The following LRBA variants were observed in gnomAD, a reference collection of about 807,000 sequenced individuals.
LRBA encodes the protein LPS responsive beige-like anchor protein.
In LRBA, 176 loss-of-function variants were observed where a neutral mutation model predicts 330.0. That is an observed-to-expected ratio of 0.53 (90% CI 0.47 to 0.60). The LOEUF is 0.60. Among genes scored for constraint, LRBA ranks in the 20% least tolerant of loss-of-function variants. The pLI is 0.00. For synonymous variants in LRBA, 1,230 were observed against 1,193.0 expected, an observed-to-expected ratio of 1.03 and a Z score of -0.64; for missense variants, 3,259 against 3,444.8, an observed-to-expected ratio of 0.95 and a Z score of 1.35.
At chr4:150,273,952 A>T (rs1474489980) in intron 56 of LRBA, among the ~76,000 whole-genome samples, 2 of 152,194 alleles carry the variant, frequency 1.3e-5, no homozygotes, top group African/African-American at 4.8e-5. Context: ...CTCTGGACCA[A>T]GCAGACCTAA....
intron 46 of LRBA, among the ~76,000 whole-genome samples, chr4:150,425,564 G>T (rs553324054): frequency 1.4e-4 from 21 of 152,284 alleles, no homozygotes; most frequent in Admixed American, 6.5e-4. Flanking sequence ...AGGATTGGTT[G>T]TGACCACACA....
chr4:150,474,861 T>C (rs1285968290), intron 42 of LRBA, among the ~76,000 whole-genome samples: 1 of 152,140 alleles, frequency 6.6e-6, no homozygotes, highest in African/African-American at 2.4e-5. Flanking sequence ...ATTTTTACCC[T>C]CCTAAACTTA....
At chr4:150,669,539 T>A (rs1351254575) in intron 37 of LRBA, among the ~76,000 whole-genome samples, 1 of 152,088 alleles carries the variant, frequency 6.6e-6, no homozygotes, top group Non-Finnish European at 1.5e-5. Context: ...ATTTGTTTTG[T>A]GAAACATCCC....
chr4:151,008,399 T>C (rs1268385468), intron 2 of LRBA, among the ~76,000 whole-genome samples: 2 of 152,042 alleles, frequency 1.3e-5, no homozygotes, highest in African/African-American at 4.8e-5. Context: ...GTGGTTTTTA[T>C]GGCATGTAAA....
intron 40 of LRBA, among the ~76,000 whole-genome samples, chr4:150,569,221 T>C (rs1472953910): frequency 6.6e-6 from 1 of 152,094 alleles, no homozygotes; most frequent in Non-Finnish European, 1.5e-5. Context: ...AGCCTTCAGA[T>C]GTAACACAAT....
chr4:150,812,960 C>A (rs748478756), intron 31 of LRBA, among the ~76,000 whole-genome samples: 35 of 151,934 alleles, frequency 2.3e-4, no homozygotes, highest in Admixed American at 2.0e-4. Context: ...GACTTCAAGG[C>A]TTGTCTGGGC....
At chr4:150,314,477 G>A (rs1038549969) in intron 51 of LRBA, among the ~76,000 whole-genome samples, 1 of 152,076 alleles carries the variant, frequency 6.6e-6, no homozygotes, top group African/African-American at 2.4e-5. Flanking sequence ...TAGCCATTTA[G>A]CTCTCCATTG....
intron 2 of LRBA, among the ~76,000 whole-genome samples, chr4:151,011,646 C>T (rs955767653): frequency 2.7e-5 from 4 of 150,116 alleles, no homozygotes; most frequent in South Asian, 4.2e-4. Context: ...GAAATATTTA[C>T]GTGTAGCAGT....
At chr4:150,798,605 T>C (rs1578815004) in intron 33 of LRBA, among the ~76,000 whole-genome samples, 1 of 152,188 alleles carries the variant, frequency 6.6e-6, no homozygotes, top group Non-Finnish European at 1.5e-5. Flanking sequence ...AACACTCTTA[T>C]TAGTACCTTG....
intron 2 of LRBA, among the ~76,000 whole-genome samples, chr4:150,982,615 A>T (rs572771851): frequency 6.6e-6 from 1 of 151,762 alleles, no homozygotes; most frequent in East Asian, 1.9e-4. Context: ...AAAAAAAAAA[A>T]ACACCCATAG....
chr4:150,312,543 C>T (rs1390124354), intron 51 of LRBA, among the ~76,000 whole-genome samples: 2 of 151,882 alleles, frequency 1.3e-5, no homozygotes, highest in Non-Finnish European at 2.9e-5. Context: ...TAATTTCTTG[C>T]CCCCAATAAA....
At chr4:150,893,769 G>A (rs550002910) in intron 16 of LRBA, among the ~76,000 whole-genome samples, 7 of 152,002 alleles carry the variant, frequency 4.6e-5, no homozygotes, top group South Asian at 2.1e-4. Flanking sequence ...TCTGCATCCC[G>A]GGTTCATGCC....
intron 7 of LRBA, 85 bp downstream of exon 7, chr4:150,916,316 T>TA: frequency 1.5e-6 from 2 of 1,352,276 alleles, no homozygotes; most frequent in Non-Finnish European, 2.0e-6. Flanking sequence ...CTTTAGCATG[T>TA]TATTATATGA....
At chr4:150,805,520 AAAAGGAAAGGAAAGGAAGGGAG>A (rs1742591153) in intron 33 of LRBA, among the ~76,000 whole-genome samples, 1 of 123,504 alleles carries the variant, frequency 8.1e-6, no homozygotes, top group Non-Finnish European at 1.7e-5. Flanking sequence ...GAAGGAAAGG[AAAAGGAAAGGAAAGGAAGGGAG>A]AAGGAAAGGA....
At chr4:150,637,862 C>G (rs530739747) in intron 37 of LRBA, among the ~76,000 whole-genome samples, 1 of 152,146 alleles carries the variant, frequency 6.6e-6, no homozygotes, top group South Asian at 2.1e-4. Flanking sequence ...AAGTGCATGA[C>G]GTGTTAAGCT....
chr4:150,559,695 ATT>A (rs1767894740), intron 40 of LRBA, among the ~76,000 whole-genome samples: 12 of 90,486 alleles, frequency 1.3e-4, no homozygotes, highest in Admixed American at 5.7e-4. Flanking sequence ...TATATTATAT[ATT>A]ATATATTATA....
intron 47 of LRBA, among the ~76,000 whole-genome samples, chr4:150,400,956 A>C (rs55770979): frequency 0.22 from 33,185 of 152,166 alleles, 4,449 homozygotes; most frequent in Non-Finnish European, 0.31. Context: ...GGAGTCTTAA[A>C]CTCCAGTACC....
At chr4:150,778,806 T>C (rs990748106) in intron 34 of LRBA, among the ~76,000 whole-genome samples, 5 of 152,202 alleles carry the variant, frequency 3.3e-5, no homozygotes, top group Non-Finnish European at 7.3e-5. Flanking sequence ...TCTTCAGACA[T>C]ATGGCAATTG....
chr4:150,914,079 T>C, intron 9 of LRBA, 116 bp downstream of exon 9: 1 of 723,570 alleles, frequency 1.4e-6, no homozygotes, highest in East Asian at 2.6e-5. Flanking sequence ...TATCAAATAG[T>C]AGGTCTCATT....
Sources: gnomAD v4.1 joint callset for allele counts (sites outside exome capture counted in the v4.1 genomes callset) on GRCh38, gnomAD v4.1.1 for gene constraint, MANE v1.5 for transcripts, NCBI Gene and HGNC (gene_info 2026-07-23, HGNC 2026-07-21) for gene names.